The following ERC2 variants were observed in gnomAD, a reference collection of about 807,000 sequenced individuals.
ERC2 encodes the protein ELKS/RAB6-interacting/CAST family member 2.
ERC2 carries 42 observed loss-of-function variants against 114.8 expected under a neutral mutation model. The ratio of observed to expected loss-of-function variants is 0.37; its 90% CI spans 0.29 to 0.47. The LOEUF (loss-of-function observed/expected upper bound fraction) is 0.47. Among genes scored for constraint, ERC2 ranks in the 20% least tolerant of loss-of-function variants. The pLI, the probability that ERC2 is intolerant of heterozygous loss-of-function variation, is 0.99. For missense variants in ERC2, 939 were observed against 1,150.7 expected (o/e 0.82, Z 2.66); for synonymous variants, 454 against 425.5 (o/e 1.07, Z -0.82).
At chr3:55,675,899 C>CTTTCT (rs1559484928) in intron 17 of ERC2, among the ~76,000 whole-genome samples, 2 of 58,120 alleles carry the variant, frequency 3.4e-5, no homozygotes, top group Admixed American at 2.1e-4. Flanking sequence ...TTTCTCTTTT[C>CTTTCT]TTTCTTTTTT....
At chr3:55,825,364 A>C (rs1274905324) in intron 14 of ERC2, among the ~76,000 whole-genome samples, 1 of 152,256 alleles carries the variant, frequency 6.6e-6, no homozygotes, top group Admixed American at 6.5e-5. Flanking sequence ...AGTAATTGAA[A>C]AATACAATAT....
chr3:56,114,152 C>T (rs1407110907), intron 6 of ERC2, among the ~76,000 whole-genome samples: 1 of 152,188 alleles, frequency 6.6e-6, no homozygotes, highest in Non-Finnish European at 1.5e-5. Flanking sequence ...AGGAGGCTTG[C>T]ATGCACAGTA....
At chr3:55,692,276 G>C (rs1395125851) in intron 16 of ERC2, among the ~76,000 whole-genome samples, 1 of 152,212 alleles carries the variant, frequency 6.6e-6, no homozygotes, top group African/African-American at 2.4e-5. Flanking sequence ...TGGTGCCCCA[G>C]GAGGGGCTGC....
intron 2 of ERC2, among the ~76,000 whole-genome samples, chr3:56,366,923 T>C (rs2059172347): frequency 1.3e-5 from 2 of 152,202 alleles, no homozygotes; most frequent in African/African-American, 2.4e-5. Context: ...GAGAACATTC[T>C]CTGGTTTTCT....
chr3:56,144,829 G>A (rs1172002693), intron 5 of ERC2, among the ~76,000 whole-genome samples: 1 of 152,090 alleles, frequency 6.6e-6, no homozygotes, highest in East Asian at 1.9e-4. Context: ...GCCTTTCTAA[G>A]GGGAACATAG....
chr3:56,140,821 C>T lies in ERC2; in HGVS notation c.1306-1145G>A, dbSNP rs868371046. Among the ~76,000 whole-genome samples the T allele has an allele frequency of 3.3e-5, 5 of 152,060 alleles. No individual in the cohort carries two copies. The East Asian group carries it at 7.7e-4, about 23-fold the overall frequency. On this transcript the variant is annotated intron_variant, in intron 5 of 17. Transcript: ENST00000288221. ...CAGGCAGATCACAAGGTCAGGAGTT[C>T]GAGACCAGCCTGGCCAATATGGTGA...
chr3:56,355,904 T>C (rs1477142076), intron 2 of ERC2, among the ~76,000 whole-genome samples: 1 of 152,154 alleles, frequency 6.6e-6, no homozygotes, highest in African/African-American at 2.4e-5. Context: ...GGAGAGGTGA[T>C]GAATCAGACT....
At chr3:55,866,984 A>G (rs1458067) in intron 14 of ERC2, among the ~76,000 whole-genome samples, 28,106 of 152,096 alleles carry the variant, frequency 0.18, 3,157 homozygotes, top group African/African-American at 0.29. Flanking sequence ...ATACAATGAT[A>G]TAATTGTCTT....
chr3:56,229,757 G>A (rs2050484534), intron 3 of ERC2, among the ~76,000 whole-genome samples: 1 of 151,180 alleles, frequency 6.6e-6, no homozygotes, highest in Admixed American at 6.6e-5. Flanking sequence ...TATTGTGCAA[G>A]GAATTGAAAA....
At chr3:56,415,018 A>G (rs2061095082) in intron 2 of ERC2, among the ~76,000 whole-genome samples, 1 of 152,232 alleles carries the variant, frequency 6.6e-6, no homozygotes, top group Non-Finnish European at 1.5e-5. Context: ...GGGCTACCAC[A>G]TCTTTCTGGT....
intron 17 of ERC2, among the ~76,000 whole-genome samples, chr3:55,518,274 A>G (rs1015147366): frequency 1.3e-5 from 2 of 152,254 alleles, no homozygotes; most frequent in East Asian, 3.8e-4. Context: ...ATATGCATAC[A>G]TGCATCTACC....
At chr3:56,462,090 G>C (rs2063341291) in intron 1 of ERC2, among the ~76,000 whole-genome samples, 1 of 152,138 alleles carries the variant, frequency 6.6e-6, no homozygotes, top group South Asian at 2.1e-4. Flanking sequence ...AGTGGAGCCA[G>C]ACCCAGACCA....
At chr3:56,368,076 C>T (rs565387801) in intron 2 of ERC2, among the ~76,000 whole-genome samples, 4 of 151,174 alleles carry the variant, frequency 2.6e-5, no homozygotes, top group Admixed American at 2.0e-4. Flanking sequence ...ACCTGGGTGA[C>T]GGGATCAATC....
chr3:55,622,319 C>A (rs1439919850), intron 17 of ERC2, among the ~76,000 whole-genome samples: 2 of 152,190 alleles, frequency 1.3e-5, no homozygotes, highest in Non-Finnish European at 2.9e-5. Flanking sequence ...GAAGGCACCA[C>A]CTCAGCAGCC....
chr3:56,443,433 G>C (rs991312981), intron 1 of ERC2, among the ~76,000 whole-genome samples: 2 of 152,154 alleles, frequency 1.3e-5, no homozygotes, highest in Non-Finnish European at 2.9e-5. Context: ...GGTTTCCTGG[G>C]ACCATTTCAC....
At chr3:56,387,760 G>C (rs1314621254) in intron 2 of ERC2, among the ~76,000 whole-genome samples, 2 of 152,078 alleles carry the variant, frequency 1.3e-5, no homozygotes, top group African/African-American at 2.4e-5. Context: ...TTTTCCAAGA[G>C]TGTCCTTGCA....
intron 3 of ERC2, among the ~76,000 whole-genome samples, chr3:56,271,705 C>T (rs1335843927): frequency 6.6e-6 from 1 of 152,098 alleles, no homozygotes; most frequent in Non-Finnish European, 1.5e-5. Context: ...TATTTCATCA[C>T]CCAGGTAATA....
chr3:55,675,906 T>TG, intron 17 of ERC2, among the ~76,000 whole-genome samples: 1 of 44,992 alleles, frequency 2.2e-5, no homozygotes, highest in Non-Finnish European at 4.2e-5. Flanking sequence ...TTTCTTTCTT[T>TG]TTTTTTTTTT....
intron 6 of ERC2, among the ~76,000 whole-genome samples, chr3:56,099,176 C>G (rs1000706496): frequency 6.6e-6 from 1 of 152,122 alleles, no homozygotes; most frequent in East Asian, 1.9e-4. Context: ...AGTGAAGGAG[C>G]CTCCTGAAGC....
Sources: gnomAD v4.1 joint callset for allele counts (sites outside exome capture counted in the v4.1 genomes callset) on GRCh38, gnomAD v4.1.1 for gene constraint, MANE v1.5 for transcripts, NCBI Gene and HGNC (gene_info 2026-07-23, HGNC 2026-07-21) for gene names.